Variants in CDKL1 observed in about 807,000 individuals in gnomAD.
CDKL1 encodes cyclin dependent kinase like 1.
A neutral mutation model predicts 42.0 loss-of-function variants in CDKL1; 41 were observed. The ratio of observed to expected loss-of-function variants is 0.98; its 90% CI spans 0.76 to 1.27. The LOEUF (loss-of-function observed/expected upper bound fraction) is 1.27, where lower values mean the gene tolerates loss of function less well. Among genes scored for constraint, CDKL1 ranks in the 50% most tolerant of loss-of-function variants. The pLI is 0.00. For missense variants in CDKL1, 394 were observed against 428.4 expected, an observed-to-expected ratio of 0.92 and a Z score of 0.71; for synonymous variants, 153 against 158.6, an observed-to-expected ratio of 0.96 and a Z score of 0.26.
chr14:50,346,709 G>C lies in CDKL1; in HGVS notation c.291-1651C>G, dbSNP rs140523632. 4.7e-3 allele frequency among the ~76,000 whole-genome samples: 689 copies of C among 145,284 alleles called. 2 individuals carry two copies. Among genetic ancestry groups the C allele is most frequent in the Middle Eastern group, 7.5e-3 (2 of 268 alleles). On this transcript the variant is annotated intron_variant, in intron 3 of 9. Coordinates refer to ENST00000395834, the MANE Select transcript of CDKL1 (RefSeq NM_004196.7). ...TCTGTCACCCAGGCTAAAGTGCAGT[G>C]GTACAATCTCAGCTCACTGCAAACT...
intron 3 of CDKL1, among the ~76,000 whole-genome samples, chr14:50,348,250 C>G (rs953001667): frequency 2.0e-5 from 3 of 152,214 alleles, no homozygotes; most frequent in Non-Finnish European, 2.9e-5. Context: ...CAGCCAAAGT[C>G]TCTATGGAAC....
intron 2 of CDKL1, among the ~76,000 whole-genome samples, chr14:50,387,841 A>G (rs1320320791): frequency 2.0e-5 from 3 of 152,204 alleles, no homozygotes; most frequent in African/African-American, 7.2e-5. Context: ...CCCTATTAGC[A>G]AAAGCAGGAT....
Position 50,381,573 on chromosome 14 carries a change from A to G in CDKL1, c.168+14128T>C, listed in dbSNP as rs1366558197. 2.0e-5 allele frequency among the ~76,000 whole-genome samples: 3 copies of G among 152,140 alleles called. No homozygotes were observed. In the East Asian group the frequency reaches 5.8e-4, roughly 29 times the overall value. On this transcript the variant is annotated intron_variant, in intron 2 of 9. Coordinates refer to ENST00000395834, the MANE Select transcript of CDKL1 (RefSeq NM_004196.7). ...GCACCGTGGATGCTTGACCTGTTTT[A>G]CTGACTAACACAGTACGTGGAAAGT...
intron 2 of CDKL1, among the ~76,000 whole-genome samples, chr14:50,371,433 T>C (rs544986988): frequency 6.6e-6 from 1 of 152,388 alleles, no homozygotes; most frequent in African/African-American, 2.4e-5. Flanking sequence ...AGGTGTGTGA[T>C]GATATATCAT....
chr14:50,336,294 A>G (rs1252427592), intron 7 of CDKL1: 1 of 1,212,624 alleles, frequency 8.2e-7, no homozygotes, highest in African/African-American at 1.6e-5. Context: ...GGAAATCTGC[A>G]GGACAATCTC....
intron 2 of CDKL1, among the ~76,000 whole-genome samples, chr14:50,359,671 A>G (rs2034177236): frequency 6.6e-6 from 1 of 152,080 alleles, no homozygotes. Flanking sequence ...CGACGGCATC[A>G]GGGTCTGTGT....
intron 2 of CDKL1, among the ~76,000 whole-genome samples, chr14:50,360,826 G>A (rs1011949840): frequency 6.8e-6 from 1 of 148,072 alleles, no homozygotes; most frequent in Non-Finnish European, 1.5e-5. Context: ...GTGTGTGTGT[G>A]ATTGGCTTAG....
At chr14:50,343,070 G>A in intron 4 of CDKL1, 1 of 1,299,960 alleles carries the variant, frequency 7.7e-7, no homozygotes. Context: ...TTAGAGAAAA[G>A]AACGTTTGAG....
intron 2 of CDKL1, among the ~76,000 whole-genome samples, chr14:50,389,780 C>T (rs973742307): frequency 3.3e-5 from 5 of 152,026 alleles, no homozygotes; most frequent in African/African-American, 9.7e-5. Context: ...CAGCTAAGGC[C>T]CTGCGGGAGA....
intron 6 of CDKL1, among the ~76,000 whole-genome samples, chr14:50,339,398 CA>C (rs2033427196): frequency 6.6e-6 from 1 of 152,050 alleles, no homozygotes; most frequent in Non-Finnish European, 1.5e-5. Context: ...AACCACAAAT[CA>C]AAATCATATT....
chr14:50,385,048 G>T (rs2035033122), intron 2 of CDKL1, among the ~76,000 whole-genome samples: 1 of 126,046 alleles, frequency 7.9e-6, no homozygotes, highest in Admixed American at 9.7e-5. Flanking sequence ...TTAAGCCTGG[G>T]TGACAGAGCA....
Position 50,335,480 on chromosome 14 carries a change from T to G in CDKL1, c.739-859A>C, listed in dbSNP as rs11570854. The G allele has an allele frequency of 1.3e-3, 1,982 of 1,536,080 alleles. 25 individuals are homozygous for G. The African/African-American group carries it at 0.022, about 17-fold the overall frequency. On this transcript the variant is annotated intron_variant, in intron 7 of 9. Transcript: ENST00000395834. ...TCAGCCTGCTGTTTAAACAGTCTCC[T>G]GTGGGGCATTCGTCAATCTCCTTTT...
intron 3 of CDKL1, among the ~76,000 whole-genome samples, chr14:50,349,879 C>T (rs1384386712): frequency 6.6e-6 from 1 of 152,160 alleles, no homozygotes; most frequent in African/African-American, 2.4e-5. Context: ...AGCAATTCTC[C>T]TGCCTCAGCC....
At chr14:50,397,083 G>A, upstream of CDKL1, 1 of 1,347,774 alleles carries the variant, frequency 7.4e-7, no homozygotes, top group Non-Finnish European at 9.9e-7. Context: ...GCTGCCGGGA[G>A]AGCAGACCTG....
chr14:50,351,029 A>G (rs2033886446), intron 3 of CDKL1, among the ~76,000 whole-genome samples: 1 of 150,404 alleles, frequency 6.6e-6, no homozygotes, highest in African/African-American at 2.5e-5. Flanking sequence ...ATTTTGTTTC[A>G]CCCCCCAGGA....
intron 4 of CDKL1, 30 bp downstream of exon 4, chr14:50,344,956 T>C (rs1251715758): frequency 6.3e-7 from 1 of 1,582,616 alleles, no homozygotes; most frequent in South Asian, 1.1e-5. Flanking sequence ...GGGAGCCTTG[T>C]TGCTTTTCAA....
At chr14:50,342,640 GT>G (rs1424632470) in intron 4 of CDKL1, 1 of 229,252 alleles carries the variant, frequency 4.4e-6, no homozygotes, top group African/African-American at 2.4e-5. Flanking sequence ...TAATCTGACA[GT>G]TTTAGGTGAA....
chr14:50,389,722 G>A (rs150606459), intron 2 of CDKL1, among the ~76,000 whole-genome samples: 69 of 152,250 alleles, frequency 4.5e-4, no homozygotes, highest in African/African-American at 1.5e-3. Flanking sequence ...AAGAACGGCT[G>A]TTCAGCTACA....
intron 2 of CDKL1, among the ~76,000 whole-genome samples, chr14:50,385,090 A>C (rs1384539330): frequency 1.2e-5 from 1 of 83,720 alleles, no homozygotes; most frequent in Non-Finnish European, 2.8e-5. Flanking sequence ...AAAAAAAAAA[A>C]AAAAAAAAAA....
Sources: allele counts gnomAD v4.1 joint callset (sites outside exome capture counted in the v4.1 genomes callset), GRCh38; gene constraint gnomAD v4.1.1; transcripts MANE v1.5; gene names NCBI Gene and HGNC (gene_info 2026-07-23, HGNC 2026-07-21).